The following RANBP2 variants were observed in gnomAD, a reference collection of about 807,000 sequenced individuals.
RANBP2 encodes RAN binding protein 2.
In RANBP2, 57 loss-of-function variants were observed where a neutral mutation model predicts 303.6. That is an observed-to-expected ratio of 0.19 (90% CI 0.15 to 0.23). The LOEUF (loss-of-function observed/expected upper bound fraction) is 0.23. Ranked by LOEUF, RANBP2 falls within the 10% of genes least tolerant of loss-of-function variation. The pLI, the probability that RANBP2 is intolerant of heterozygous loss-of-function variation, is 1.00. For missense variants in RANBP2, 3,138 were observed against 3,780.8 expected (o/e 0.83, Z 4.46); for synonymous variants, 1,167 against 1,301.5 (o/e 0.90, Z 2.23).
At chr2:108,813,394 A>G in the RANBP2 span, among the ~76,000 whole-genome samples, 1 of 151,904 alleles carries the variant, frequency 6.6e-6, no homozygotes, top group East Asian at 1.9e-4. Context: ...ATAATTTTTT[A>G]ATAGGGAAAT....
At chr2:109,227,930 T>C in the RANBP2 span, among the ~76,000 whole-genome samples, 1 of 152,228 alleles carries the variant, frequency 6.6e-6, no homozygotes, top group African/African-American at 2.4e-5. Flanking sequence ...TTCCTGATGT[T>C]TCCCAAACAA....
the RANBP2 span, among the ~76,000 whole-genome samples, chr2:109,153,370 A>G: frequency 0.13 from 20,111 of 152,100 alleles, 2,552 homozygotes; most frequent in East Asian, 0.65. Context: ...AAAAATTTGT[A>G]TTTTTGCTGA....
chr2:109,727,011 AG>A, the RANBP2 span, among the ~76,000 whole-genome samples: 2 of 152,182 alleles, frequency 1.3e-5, no homozygotes, highest in Non-Finnish European at 2.9e-5. Flanking sequence ...CCCTAACTTC[AG>A]GGGGCTACAG....
chr2:109,305,867 C>T, the RANBP2 span, among the ~76,000 whole-genome samples: 5 of 152,238 alleles, frequency 3.3e-5, no homozygotes, highest in African/African-American at 4.8e-5. Flanking sequence ...AAGCAATCCA[C>T]GCAGAGCCCT....
the RANBP2 span, among the ~76,000 whole-genome samples, chr2:108,933,612 T>G: frequency 6.6e-6 from 1 of 152,286 alleles, no homozygotes; most frequent in Middle Eastern, 3.4e-3. Context: ...AAAAACTGCC[T>G]TTTCCCACAC....
the RANBP2 span, among the ~76,000 whole-genome samples, chr2:108,920,336 T>C: frequency 2.0e-5 from 3 of 152,198 alleles, no homozygotes; most frequent in African/African-American, 7.2e-5. Context: ...AATCCAAGCC[T>C]GATGCTGGAC....
chr2:108,992,050 T>G, the RANBP2 span, among the ~76,000 whole-genome samples: 1 of 152,226 alleles, frequency 6.6e-6, no homozygotes, highest in Non-Finnish European at 1.5e-5. Context: ...TCCTCCTGCC[T>G]CAGCCTCCCA....
the RANBP2 span, among the ~76,000 whole-genome samples, chr2:109,611,790 ATATACC>A: frequency 1.3e-5 from 2 of 152,182 alleles, no homozygotes; most frequent in African/African-American, 4.8e-5. Context: ...AGGTGTCACT[ATATACC>A]TATAAGAATG....
chr2:108,897,480 T>C, the RANBP2 span, among the ~76,000 whole-genome samples: 1 of 152,262 alleles, frequency 6.6e-6, no homozygotes, highest in East Asian at 1.9e-4. Flanking sequence ...GGAAAATGAC[T>C]GCTATATTGA....
chr2:108,874,819 T>A, the RANBP2 span, among the ~76,000 whole-genome samples: 1 of 152,174 alleles, frequency 6.6e-6, no homozygotes, highest in Non-Finnish European at 1.5e-5. Context: ...TTCTCTTGAT[T>A]TCAGTAAATT....
At chr2:109,569,565 A>T in the RANBP2 span, among the ~76,000 whole-genome samples, 2 of 152,092 alleles carry the variant, frequency 1.3e-5, no homozygotes, top group Non-Finnish European at 2.9e-5. Flanking sequence ...AAGGAGAGAA[A>T]TTTTTTCTGT....
At chr2:109,218,704 A>G in the RANBP2 span, among the ~76,000 whole-genome samples, 2 of 152,326 alleles carry the variant, frequency 1.3e-5, no homozygotes, top group African/African-American at 2.4e-5. Context: ...TTGCCCTTTC[A>G]TCATGGCTGG....
At chr2:108,844,794 C>T in the RANBP2 span, among the ~76,000 whole-genome samples, 2 of 149,272 alleles carry the variant, frequency 1.3e-5, no homozygotes, top group Non-Finnish European at 3.0e-5. Flanking sequence ...GTCATCCAGG[C>T]TGGAGAGCAG....
the RANBP2 span, among the ~76,000 whole-genome samples, chr2:109,060,599 GCTT>G: frequency 1.3e-5 from 2 of 152,278 alleles, no homozygotes; most frequent in East Asian, 3.9e-4. Context: ...AGTAAAGTTA[GCTT>G]TGGTGCTGAA....
chr2:109,522,498 T>C, the RANBP2 span, among the ~76,000 whole-genome samples: 3 of 152,198 alleles, frequency 2.0e-5, no homozygotes, highest in African/African-American at 7.2e-5. Context: ...GGTTTCACCA[T>C]GTTGGCCAGG....
At chr2:108,786,365 G>C (rs900140095), downstream of RANBP2, among the ~76,000 whole-genome samples, 1 of 151,566 alleles carries the variant, frequency 6.6e-6, no homozygotes, top group Non-Finnish European at 1.5e-5. Context: ...TAGCAGCCGG[G>C]ACTACACGCG....
At chr2:109,373,440 G>A in the RANBP2 span, among the ~76,000 whole-genome samples, 1 of 152,178 alleles carries the variant, frequency 6.6e-6, no homozygotes, top group African/African-American at 2.4e-5. Context: ...TGAGGAAAAT[G>A]CAGTATATCC....
the RANBP2 span, among the ~76,000 whole-genome samples, chr2:109,741,304 CATGATT>C: frequency 8.6e-5 from 13 of 151,924 alleles, no homozygotes; most frequent in Non-Finnish European, 1.8e-4. Context: ...CAATAAAAGT[CATGATT>C]ATATGAATAG....
the RANBP2 span, among the ~76,000 whole-genome samples, chr2:109,179,003 A>ATGTG: frequency 0.14 from 19,354 of 142,044 alleles, 1,516 homozygotes; most frequent in African/African-American, 0.21. Context: ...AAGTATAATA[A>ATGTG]TGTGTGTGTG....
Sources: gnomAD v4.1 joint callset for allele counts (sites outside exome capture counted in the v4.1 genomes callset) on GRCh38, gnomAD v4.1.1 for gene constraint, MANE v1.5 for transcripts, NCBI Gene and HGNC (gene_info 2026-07-23, HGNC 2026-07-21) for gene names.